TGFB2: variants seen among roughly 807,000 people sequenced by gnomAD.
TGFB2 encodes the protein transforming growth factor beta-2 proprotein.
TGFB2 carries 13 observed loss-of-function variants against 42.7 expected under a neutral mutation model. The ratio of observed to expected loss-of-function variants is 0.30; its 90% CI spans 0.20 to 0.48. The LOEUF is 0.48. Among genes scored for constraint, TGFB2 ranks in the 20% least tolerant of loss-of-function variants. TGFB2 has a pLI of 0.99. For synonymous variants in TGFB2, 193 were observed against 193.6 expected (o/e 1.00, Z 0.03); for missense variants, 390 against 517.5 (o/e 0.75, Z 2.39).
At chr1:218,368,899 G>A (rs1657477583) in intron 1 of TGFB2, among the ~76,000 whole-genome samples, 1 of 152,164 alleles carries the variant, frequency 6.6e-6, no homozygotes, top group African/African-American at 2.4e-5. Context: ...CAAGTCTGTG[G>A]CTTTTCCTCT....
chr1:218,382,880 T>C (rs1325417205), intron 1 of TGFB2, among the ~76,000 whole-genome samples: 1 of 152,226 alleles, frequency 6.6e-6, no homozygotes, highest in Admixed American at 6.5e-5. Flanking sequence ...TTCTAGTCTT[T>C]CATGAGTATT....
At chr1:218,411,785 A>T (rs189725071) in intron 2 of TGFB2, among the ~76,000 whole-genome samples, 1 of 151,264 alleles carries the variant, frequency 6.6e-6, no homozygotes, top group African/African-American at 2.4e-5. Flanking sequence ...GAATCGCTTG[A>T]ACCCGGGAGG....
chr1:218,439,710 G>C lies in TGFB2; in HGVS notation c.1087-1494G>C, dbSNP rs552668552. On this transcript the variant is annotated intron_variant, in intron 6 of 6. Transcript: ENST00000366930. ...GGCCAGGCTGCCTCCTCTGGGCTGCGGCAGCAGTAGCTGTAATGTGGGCAA... is the reference window on the plus strand; with the variant it reads ...GGCCAGGCTGCCTCCTCTGGGCTGCCGCAGCAGTAGCTGTAATGTGGGCAA... Among the ~76,000 whole-genome samples, 31 of 152,218 alleles carry C rather than the reference G, an allele frequency of 2.0e-4. 1 individual carries two copies. In the South Asian group the frequency reaches 6.2e-3, roughly 31 times the overall value.
At chr1:218,364,628 A>G (rs1201078159) in intron 1 of TGFB2, among the ~76,000 whole-genome samples, 1 of 152,222 alleles carries the variant, frequency 6.6e-6, no homozygotes, top group Non-Finnish European at 1.5e-5. Flanking sequence ...TGTTTTTATT[A>G]TCCTAGGAAA....
chr1:218,346,661 C>T lies in TGFB2; in HGVS notation c.-41C>T. 1.3e-6 allele frequency: 2 copies of T among 1,515,330 alleles called. No homozygotes were observed. Among genetic ancestry groups the T allele is most frequent in the Admixed American group, 2.2e-5 (1 of 46,324 alleles). 93.9% of individuals were successfully genotyped at this position (1,515,330 alleles called of 1,614,324 possible). On this transcript the variant is annotated 5_prime_UTR_variant, in exon 1 of 7. Transcript: ENST00000366930. This position sits in a 1 kb window ranked among gnomAD's most constrained non-coding sequence, Gnocchi z 4.9. ...GAATTGTTGATTTCTTTTTTTTATT[C>T]TGACTTTTAAAAACAACTTTTTTTT...
chr1:218,412,559 C>G (rs765770487), intron 2 of TGFB2, among the ~76,000 whole-genome samples: 1 of 152,184 alleles, frequency 6.6e-6, no homozygotes, highest in Admixed American at 6.5e-5. Context: ...TCCCCGTTTA[C>G]CTTATTGAGG....
At chr1:218,363,358 C>A (rs376606551) in intron 1 of TGFB2, 2 of 1,613,842 alleles carry the variant, frequency 1.2e-6, no homozygotes, top group African/African-American at 2.7e-5. Flanking sequence ...GTTACAACAC[C>A]CTCTGGCTCA....
chr1:218,382,862 C>T (rs978614959), intron 1 of TGFB2, among the ~76,000 whole-genome samples: 7 of 152,134 alleles, frequency 4.6e-5, no homozygotes, highest in African/African-American at 1.2e-4. Context: ...TTCTACTTCC[C>T]GTAGGAGTTC....
In TGFB2 at chr1:218,436,056, C is replaced by G; in HGVS notation, c.841C>G (p.Leu281Val). 1 of 1,614,156 alleles carries G rather than the reference C, an allele frequency of 6.2e-7. No homozygotes were observed. Among genetic ancestry groups the G allele is most frequent in the South Asian group, 1.1e-5 (1 of 91,082 alleles). Reference protein sequence around the residue: ...RKKNSGKTPHLLLMLLPSYRL... With the variant: ...RKKNSGKTPHVLLMLLPSYRL... The stretch of plus-strand genomic sequence containing the variant: ...AAAAAACAGTGGGAAGACCCCACAT[C>G]TCCTGCTAATGTTATTGCCCTCCTA... The change falls in exon 5 of 7, where the codon CTC (leucine) becomes GTC (valine). Residue 281 changes from leucine (L) to valine (V), a missense_variant. Coordinates refer to ENST00000366930, the MANE Select transcript of TGFB2 (RefSeq NM_003238.6).
At chr1:218,430,754 A>G (rs975936034) in intron 2 of TGFB2, among the ~76,000 whole-genome samples, 1 of 152,234 alleles carries the variant, frequency 6.6e-6, no homozygotes, top group Admixed American at 6.5e-5. Flanking sequence ...AAGGTTTTCT[A>G]GATAGTTCTG....
At chr1:218,354,490 C>T (rs552388963) in intron 1 of TGFB2, among the ~76,000 whole-genome samples, 6 of 152,146 alleles carry the variant, frequency 3.9e-5, no homozygotes, top group Admixed American at 6.5e-5. Context: ...GACTTATAAA[C>T]CAAGCATAGT....
intron 2 of TGFB2, among the ~76,000 whole-genome samples, chr1:218,424,350 T>C (rs1659553292): frequency 6.6e-6 from 1 of 152,136 alleles, no homozygotes; most frequent in Non-Finnish European, 1.5e-5. Flanking sequence ...AAAACTTGGG[T>C]CAGATAATAG....
At chr1:218,373,346 G>A (rs1657632240) in intron 1 of TGFB2, among the ~76,000 whole-genome samples, 1 of 152,046 alleles carries the variant, frequency 6.6e-6, no homozygotes, top group Non-Finnish European at 1.5e-5. Context: ...TGGTGATGTT[G>A]ATGGTTGGGG....
intron 2 of TGFB2, among the ~76,000 whole-genome samples, chr1:218,433,605 C>T (rs1182487873): frequency 1.3e-5 from 2 of 152,106 alleles, no homozygotes; most frequent in Non-Finnish European, 2.9e-5. Context: ...AGGTTAGGAC[C>T]GTTCTTTCTT....
intron 1 of TGFB2, among the ~76,000 whole-genome samples, chr1:218,360,416 C>T (rs545925865): frequency 6.0e-4 from 92 of 152,254 alleles, no homozygotes; most frequent in Non-Finnish European, 1.1e-3. Context: ...TACCCATAGT[C>T]CCCCATCATA....
At chr1:218,373,533 T>C (rs982152799) in intron 1 of TGFB2, among the ~76,000 whole-genome samples, 2 of 151,926 alleles carry the variant, frequency 1.3e-5, no homozygotes, top group African/African-American at 4.8e-5. Context: ...AATAGTTATA[T>C]TAGGCTCTGG....
intron 1 of TGFB2, among the ~76,000 whole-genome samples, chr1:218,380,588 G>GT (rs1301265669): frequency 6.6e-6 from 1 of 152,150 alleles, no homozygotes; most frequent in Non-Finnish European, 1.5e-5. Flanking sequence ...CAGAGTATAT[G>GT]TGTCCGGGTG....
intron 5 of TGFB2, 40 bp from the exon 6 acceptor site, chr1:218,437,303 C>T: frequency 6.5e-7 from 1 of 1,533,506 alleles, no homozygotes; most frequent in Non-Finnish European, 8.7e-7. Context: ...GGTGAATCAG[C>T]TTTAAAATCT....
Position 218,444,545 on chromosome 1 carries a change from A to AG in TGFB2, c.*3183_*3184insG, listed in dbSNP as rs1292359144. ...CCTCCAATTTTTTTGGCTGCTACCT[A>AG]CAAGACCAGACTCCTCAAACGAGTT... is the stretch of plus-strand genomic sequence containing the variant. On this transcript the variant is annotated 3_prime_UTR_variant, in exon 7 of 7. Transcript: ENST00000366930. 1 of 152,176 alleles carries AG rather than the reference A, an allele frequency of 6.6e-6. No individual in the cohort carries two copies. The highest frequency in any genetic ancestry group is 2.4e-5 in the African/African-American group (1 of 41,438). The allele number at this position is 152,176 out of a possible 1,614,324, so 9.4% of individuals were successfully genotyped here. A position where few individuals can be genotyped will look rare whatever the true frequency, so the allele number is the denominator to read the frequency against.
Sources: gnomAD v4.1 joint callset for allele counts (sites outside exome capture counted in the v4.1 genomes callset) on GRCh38, gnomAD v4.1.1 for gene constraint, Gnocchi (gnomAD v3.1) non-coding constraint, MANE v1.5 for transcripts, NCBI Gene and HGNC (gene_info 2026-07-23, HGNC 2026-07-21) for gene names.